EPHB2: variants seen among roughly 807,000 people sequenced by gnomAD.
EPHB2 encodes the protein EPH receptor B2, also known as ephrin type-B receptor 2.
In EPHB2, 18 loss-of-function variants were observed where a neutral mutation model predicts 96.4. The observed-to-expected ratio is 0.19, with a 90% CI of 0.13 to 0.28. EPHB2 has a LOEUF of 0.28. Ranked by LOEUF, EPHB2 falls within the 10% of genes least tolerant of loss-of-function variation. The pLI, the probability that EPHB2 is intolerant of heterozygous loss-of-function variation, is 1.00. For synonymous variants in EPHB2, 506 were observed against 534.1 expected, an observed-to-expected ratio of 0.95 and a Z score of 0.72; for missense variants, 989 against 1,355.4, an observed-to-expected ratio of 0.73 and a Z score of 4.25.
chr1:22,899,725 G>A (rs6426772), intron 9 of EPHB2, among the ~76,000 whole-genome samples: 1 of 152,202 alleles, frequency 6.6e-6, no homozygotes, highest in Admixed American at 6.5e-5. Context: ...AGGTGCCATG[G>A]TTCATGCCTG....
intron 1 of EPHB2, among the ~76,000 whole-genome samples, chr1:22,720,692 G>A (rs57901259): frequency 0.51 from 37,778 of 73,852 alleles, 6,482 homozygotes; most frequent in South Asian, 0.66. Flanking sequence ...ACTTACCCCC[G>A]AATTGTCTTC....
intron 1 of EPHB2, among the ~76,000 whole-genome samples, chr1:22,747,090 A>C (rs1347722315): frequency 6.6e-6 from 1 of 152,164 alleles, no homozygotes; most frequent in Non-Finnish European, 1.5e-5. Context: ...GCCCCAGATC[A>C]CACAGCCAAA....
At chr1:22,781,605 C>T in intron 2 of EPHB2, 120 bp downstream of exon 2, 1 of 914,024 alleles carries the variant, frequency 1.1e-6, no homozygotes, top group Non-Finnish European at 1.7e-6. Context: ...CAGAGCCAGG[C>T]CTCTCTCAGC....
At chr1:22,826,500 C>G (rs903954132) in intron 3 of EPHB2, among the ~76,000 whole-genome samples, 1 of 152,230 alleles carries the variant, frequency 6.6e-6, no homozygotes, top group Non-Finnish European at 1.5e-5. Flanking sequence ...TAAAGCAACA[C>G]TTCTCTCCCA....
intron 1 of EPHB2, among the ~76,000 whole-genome samples, chr1:22,729,094 CAG>C (rs1013259049): frequency 6.6e-6 from 1 of 152,192 alleles, no homozygotes; most frequent in Non-Finnish European, 1.5e-5. Context: ...GTTAGGATCA[CAG>C]GGGGAGCTAC....
At chr1:22,715,578 A>G (rs1643272067) in intron 1 of EPHB2, among the ~76,000 whole-genome samples, 1 of 152,186 alleles carries the variant, frequency 6.6e-6, no homozygotes, top group African/African-American at 2.4e-5. Flanking sequence ...GCTTTCATGT[A>G]TTTGTCTTAG....
chr1:22,817,784 C>T (rs1645095157), intron 3 of EPHB2, among the ~76,000 whole-genome samples: 1 of 152,180 alleles, frequency 6.6e-6, no homozygotes, highest in African/African-American at 2.4e-5. Flanking sequence ...CTCAGGGATC[C>T]GAGCCCTTGG....
rs1275775620 is a variant in EPHB2 at position 22,846,952 on chromosome 1, A to G, written c.812-16085A>G. Among the ~76,000 whole-genome samples the G allele has an allele frequency of 6.6e-6, 1 of 152,202 alleles. No individual in the cohort carries two copies. The highest frequency in any genetic ancestry group is 1.5e-5 in the Non-Finnish European group (1 of 68,040). The stretch of plus-strand genomic sequence containing the variant: ...CCTTGAGCTGTGGATCCCTAAGCCC[A>G]GCCCAGGCACCAGCCTTGAGGAGGT... On this transcript the variant is annotated intron_variant, in intron 3 of 15. Coordinates refer to ENST00000374630, the MANE Select transcript of EPHB2 (RefSeq NM_017449.5). The surrounding 1 kb of genome is among the most constrained non-coding windows in gnomAD (Gnocchi z 4.3).
At chr1:22,812,575 G>A (rs1244667879) in intron 3 of EPHB2, among the ~76,000 whole-genome samples, 1 of 152,198 alleles carries the variant, frequency 6.6e-6, no homozygotes, top group African/African-American at 2.4e-5. Flanking sequence ...AGGCAGGAGG[G>A]AGGGGACTTC....
chr1:22,905,908 G>A lies in EPHB2; in HGVS notation c.1766-79G>A, dbSNP rs552649264. ...CACATGGGAGTGGATTTCCCTCCAC[G>A]GAGGGACTGGCTCCCGCTTTTCCTT... On this transcript the variant is annotated intron_variant, in intron 9 of 15. Coordinates refer to ENST00000374630, the MANE Select transcript of EPHB2 (RefSeq NM_017449.5). The A allele has an allele frequency of 3.6e-4, 578 of 1,610,422 alleles. 4 individuals are homozygous for A. In the South Asian group the frequency reaches 5.8e-3, roughly 16 times the overall value.
intron 3 of EPHB2, among the ~76,000 whole-genome samples, chr1:22,839,217 C>T (rs958083613): frequency 3.9e-5 from 6 of 152,170 alleles, no homozygotes; most frequent in South Asian, 2.1e-4. Context: ...TGAATCTCAA[C>T]GCAACACTCT....
At position 22,784,506 on chromosome 1, in the gene EPHB2, C is replaced by T. The variant is rs780811130; in HGVS notation, c.241C>T (p.Arg81Cys). ...GCTACGGACCAAGTTTATCCGGCGC[C>T]GTGGCGCCCACCGCATCCACGTGGA... ...NWLRTKFIRR[R>C]GAHRIHVEMK... is the part of the protein sequence containing the mutation. The change falls in exon 3 of 16, where the codon CGT becomes TGT. Residue 81 changes from arginine (R) to cysteine (C), a missense_variant. Coordinates refer to ENST00000374630, the MANE Select transcript of EPHB2 (RefSeq NM_017449.5). The surrounding 1 kb of genome is among the most constrained non-coding windows in gnomAD (Gnocchi z 5.1). 45 of 1,613,558 alleles carry T rather than the reference C, an allele frequency of 2.8e-5. No homozygotes were observed. The highest frequency in any genetic ancestry group is 1.1e-4 in the East Asian group (5 of 44,868).
Position 22,903,689 on chromosome 1 carries a change from G to A in EPHB2, c.1766-2298G>A, listed in dbSNP as rs368890065. The stretch of plus-strand genomic sequence containing the variant: ...GTGGAGAAGCTAAGGCATATAAAGA[G>A]CCTGGCATGGTGTTGGGCACAAAGG... On this transcript the variant is annotated intron_variant, in intron 9 of 15. Transcript: ENST00000374630. 1.3e-4 allele frequency among the ~76,000 whole-genome samples: 20 copies of A among 152,340 alleles called. No homozygotes were observed. The South Asian group carries it at 3.7e-3, about 28-fold the overall frequency.
At position 22,917,614 on chromosome 1, in the gene EPHB2, T is replaced by C. The variant is rs756254073; in HGVS notation, c.*4044T>C. 3.3e-5 allele frequency: 5 copies of C among 152,184 alleles called. No individual in the cohort carries two copies. Among genetic ancestry groups the C allele is most frequent in the Non-Finnish European group, 7.3e-5 (5 of 68,050 alleles). 9.4% of individuals were successfully genotyped at this position (152,184 alleles called of 1,614,324 possible). A position where few individuals can be genotyped will look rare whatever the true frequency, so the allele number is the denominator to read the frequency against. On this transcript the variant is annotated 3_prime_UTR_variant, in exon 16 of 16. Coordinates refer to ENST00000374630, the MANE Select transcript of EPHB2 (RefSeq NM_017449.5). ...TGAGGCAGGCTGTGCAAAACACTTA[T>C]ACACCTTAGTCCCATGAGGAAGGAG...
At chr1:22,799,101 G>A (rs1038298316) in intron 3 of EPHB2, among the ~76,000 whole-genome samples, 1 of 152,128 alleles carries the variant, frequency 6.6e-6, no homozygotes, top group African/African-American at 2.4e-5. Flanking sequence ...CACAAAGTCA[G>A]AATCCCTGGG....
chr1:22,764,327 C>A (rs1644276519), intron 1 of EPHB2, among the ~76,000 whole-genome samples: 1 of 152,200 alleles, frequency 6.6e-6, no homozygotes, highest in Non-Finnish European at 1.5e-5. Flanking sequence ...GGGCTAAGAA[C>A]TTAACATGCA....
At chr1:22,723,555 G>A (rs1416453160) in intron 1 of EPHB2, among the ~76,000 whole-genome samples, 1 of 152,256 alleles carries the variant, frequency 6.6e-6, no homozygotes, top group African/African-American at 2.4e-5. Context: ...AGCCCCTTCT[G>A]GAGTTGAAAG....
chr1:22,749,040 A>G (rs1644021373), intron 1 of EPHB2, among the ~76,000 whole-genome samples: 1 of 145,960 alleles, frequency 6.9e-6, no homozygotes. Context: ...TTTTCTTTTG[A>G]GATGGAGTTT....
chr1:22,856,043 G>A (rs1645693102), intron 3 of EPHB2, among the ~76,000 whole-genome samples: 1 of 152,180 alleles, frequency 6.6e-6, no homozygotes, highest in South Asian at 2.1e-4. Context: ...CCCCAAGGAA[G>A]ACAGAGATGC....
Sources: allele counts gnomAD v4.1 joint callset (sites outside exome capture counted in the v4.1 genomes callset), GRCh38; gene constraint gnomAD v4.1.1; non-coding constraint Gnocchi (gnomAD v3.1); transcripts MANE v1.5; gene names NCBI Gene and HGNC (gene_info 2026-07-23, HGNC 2026-07-21).